Variants in NOPCHAP1 observed in about 807,000 individuals in gnomAD.
NOPCHAP1 encodes the protein DNA damage-sensitive RNA 1.
A neutral mutation model predicts 14.0 loss-of-function variants in NOPCHAP1; 13 were observed. The ratio of observed to expected loss-of-function variants is 0.93; its 90% CI spans 0.60 to 1.47. The LOEUF (loss-of-function observed/expected upper bound fraction) is 1.47, where lower values mean the gene tolerates loss of function less well. Among genes scored for constraint, NOPCHAP1 ranks in the 40% most tolerant of loss-of-function variants. The probability of loss-of-function intolerance (pLI) is 0.00; values close to 1 mark genes in which losing one functional copy is unlikely to be tolerated. For synonymous variants in NOPCHAP1, 78 were observed against 78.4 expected (o/e 1.00, Z 0.03); for missense variants, 230 against 226.9 (o/e 1.01, Z -0.09).
chr12:105,009,582 A>G lies in NOPCHAP1; in HGVS notation c.*14886A>G, dbSNP rs2136032874. ...TGCTTCCAGCTTTTGCCCGTTCAGTATGATATTGGCTGTGGGTTTGTCATA... is the reference window on the plus strand; with the variant it reads ...TGCTTCCAGCTTTTGCCCGTTCAGTGTGATATTGGCTGTGGGTTTGTCATA... On this transcript the variant is annotated 3_prime_UTR_variant, in exon 4 of 4. Transcript: ENST00000552951. The G allele has an allele frequency of 6.6e-6, 1 of 152,292 alleles. No individual in the cohort carries two copies. The highest frequency in any genetic ancestry group is 1.9e-4 in the East Asian group (1 of 5,196). 9.4% of individuals were successfully genotyped at this position (152,292 alleles called of 1,614,324 possible).
intron 2 of NOPCHAP1, among the ~76,000 whole-genome samples, chr12:104,990,801 T>A (rs12296144): frequency 0.12 from 17,966 of 152,204 alleles, 1,876 homozygotes; most frequent in East Asian, 0.33. Flanking sequence ...GATTCTTGGT[T>A]GCAAATGACT....
In NOPCHAP1 at chr12:104,997,979, A is replaced by T. The variant is rs143330768; in HGVS notation, c.*3283A>T. On this transcript the variant is annotated 3_prime_UTR_variant, in exon 4 of 4. Coordinates refer to ENST00000552951, the MANE Select transcript of NOPCHAP1 (RefSeq NM_152318.3). ...TGAGATTCTTTCCTCAGTTTGGTCAATTCTGCTGTTAATACTTGTGATTGC... is the reference window on the plus strand; with the variant it reads ...TGAGATTCTTTCCTCAGTTTGGTCATTTCTGCTGTTAATACTTGTGATTGC... The T allele has an allele frequency of 6.6e-6, 1 of 152,118 alleles. No individual in the cohort carries two copies. Among genetic ancestry groups the T allele is most frequent in the Non-Finnish European group, 1.5e-5 (1 of 68,026 alleles). 9.4% of individuals were successfully genotyped at this position (152,118 alleles called of 1,614,324 possible).
intron 3 of NOPCHAP1, among the ~76,000 whole-genome samples, chr12:104,993,595 C>T (rs544841061): frequency 7.9e-5 from 12 of 152,288 alleles, no homozygotes; most frequent in African/African-American, 2.6e-4. Context: ...CCCGAGTGAT[C>T]GCTTATTGGC....
rs1223897572 is a variant in NOPCHAP1 at position 105,002,295 on chromosome 12, G to C, written c.*7599G>C. 5.3e-5 allele frequency: 8 copies of C among 152,306 alleles called. No individual in the cohort carries two copies. The East Asian group carries it at 1.5e-3, about 29-fold the overall frequency. 9.4% of individuals were successfully genotyped at this position (152,306 alleles called of 1,614,324 possible). On this transcript the variant is annotated 3_prime_UTR_variant, in exon 4 of 4. Transcript: ENST00000552951. Reference sequence around the variant, plus strand: ...TTTACTTACTCTATTCTCTCAAAATGTTGGGCTAGGGCCACCAATTCAATC... The same window carrying C: ...TTTACTTACTCTATTCTCTCAAAATCTTGGGCTAGGGCCACCAATTCAATC...
chr12:104,987,740 A>G (rs1873272321), intron 1 of NOPCHAP1, among the ~76,000 whole-genome samples: 1 of 152,224 alleles, frequency 6.6e-6, no homozygotes, highest in Non-Finnish European at 1.5e-5. Context: ...CCAGGCAAGC[A>G]TGTTTTACTA....
rs561564284 is a variant in NOPCHAP1, at chr12:105,004,261, A to G, written c.*9565A>G. 1 of 152,320 alleles carries G rather than the reference A, an allele frequency of 6.6e-6. No individual in the cohort carries two copies. The highest frequency in any genetic ancestry group is 1.5e-5 in the Non-Finnish European group (1 of 68,038). The allele number at this position is 152,320 out of a possible 1,614,324, so 9.4% of individuals were successfully genotyped here. ...TTTCTTCAGCATGGATTTCAGAAAC[A>G]TCAATTTTATTTTAAAGTAAAAATA... On this transcript the variant is annotated 3_prime_UTR_variant, in exon 4 of 4. Coordinates refer to ENST00000552951, the MANE Select transcript of NOPCHAP1 (RefSeq NM_152318.3).
In NOPCHAP1 at chr12:105,009,711, A is replaced by G. The variant is rs950244237; in HGVS notation, c.*15015A>G. ...TTTATCAAAGGCCTTTTCTGTATCT[A>G]TTGAAATAATCATGTGCTTTTTGTC... On this transcript the variant is annotated 3_prime_UTR_variant, in exon 4 of 4. Coordinates refer to ENST00000552951, the MANE Select transcript of NOPCHAP1 (RefSeq NM_152318.3). 1 of 152,172 alleles carries G rather than the reference A, an allele frequency of 6.6e-6. No homozygotes were observed. Among genetic ancestry groups the G allele is most frequent in the Admixed American group, 6.5e-5 (1 of 15,284 alleles). The allele number at this position is 152,172 out of a possible 1,614,324, so 9.4% of individuals were successfully genotyped here. A position where few individuals can be genotyped will look rare whatever the true frequency, so the allele number is the denominator to read the frequency against.
At position 104,997,267 on chromosome 12, in the gene NOPCHAP1, T is replaced by C. The variant is rs906280084; in HGVS notation, c.*2571T>C. The stretch of plus-strand genomic sequence containing the variant: ...AGTTAGCACTCCCTTCCAAAACTCT[T>C]GTAAGGCAGATCTGATGTTAACAAA... On this transcript the variant is annotated 3_prime_UTR_variant, in exon 4 of 4. Coordinates refer to ENST00000552951, the MANE Select transcript of NOPCHAP1 (RefSeq NM_152318.3). 6.6e-6 allele frequency: 1 copy of C among 152,224 alleles called. No homozygotes were observed. Among genetic ancestry groups the C allele is most frequent in the Non-Finnish European group, 1.5e-5 (1 of 68,042 alleles). The allele number at this position is 152,224 out of a possible 1,614,324, so 9.4% of individuals were successfully genotyped here. A position where few individuals can be genotyped will look rare whatever the true frequency, so the allele number is the denominator to read the frequency against.
intron 1 of NOPCHAP1, among the ~76,000 whole-genome samples, chr12:104,987,262 TC>T (rs1452134281): frequency 6.6e-6 from 1 of 152,222 alleles, no homozygotes; most frequent in Non-Finnish European, 1.5e-5. Flanking sequence ...AGAAACTAAC[TC>T]ATCTAATCCT....
chr12:104,994,171 C>G (rs988826828), intron 3 of NOPCHAP1, among the ~76,000 whole-genome samples: 1 of 152,158 alleles, frequency 6.6e-6, no homozygotes, highest in East Asian at 1.9e-4. Flanking sequence ...AGGGTGAAAC[C>G]CCATCTCTAC....
At position 105,002,737 on chromosome 12, in the gene NOPCHAP1, G is replaced by A. The variant is rs544918228; in HGVS notation, c.*8041G>A. ...GTATCATATGAATAAATTGGTCAGA[G>A]AGTCCTGGCTTGTAAGCTCCTGTGC... On this transcript the variant is annotated 3_prime_UTR_variant, in exon 4 of 4. Coordinates refer to ENST00000552951, the MANE Select transcript of NOPCHAP1 (RefSeq NM_152318.3). 1 of 152,270 alleles carries A rather than the reference G, an allele frequency of 6.6e-6. No individual in the cohort carries two copies. Among genetic ancestry groups the A allele is most frequent in the South Asian group, 2.1e-4 (1 of 4,826 alleles). The allele number at this position is 152,270 out of a possible 1,614,324, so 9.4% of individuals were successfully genotyped here. A position where few individuals can be genotyped will look rare whatever the true frequency, so the allele number is the denominator to read the frequency against.
chr12:104,986,431 A>T lies in NOPCHAP1; in HGVS notation c.79A>T (p.Lys27Ter). 6.2e-7 allele frequency: 1 copy of T among 1,609,924 alleles called. No homozygotes were observed. Among genetic ancestry groups the T allele is most frequent in the Non-Finnish European group, 8.5e-7 (1 of 1,177,906 alleles). Residue 27 changes from lysine to a stop codon, truncating the protein, a stop_gained, in exon 1 of 4, where the codon AAG (lysine) becomes TAG (stop). Coordinates refer to ENST00000552951, the MANE Select transcript of NOPCHAP1 (RefSeq NM_152318.3). LOFTEE classifies it high-confidence loss of function. Reference protein sequence around the residue: ...TRDSSGVPVSKELLTAGSDGR... With the variant: ...TRDSSGVPVS ...GGATTCCTCAGGAGTCCCAGTGTCC[A>T]AGGAGCTGCTGACGGCGGGAAGCGA...
At position 105,014,455 on chromosome 12, in the gene NOPCHAP1, A is replaced by T. The variant is rs557422497; in HGVS notation, c.*19759A>T. 2 of 152,302 alleles carry T rather than the reference A, an allele frequency of 1.3e-5. No homozygotes were observed. Among genetic ancestry groups the T allele is most frequent in the African/African-American group, 4.8e-5 (2 of 41,574 alleles). 9.4% of individuals were successfully genotyped at this position (152,302 alleles called of 1,614,324 possible). A position where few individuals can be genotyped will look rare whatever the true frequency, so the allele number is the denominator to read the frequency against. ...AAAATATATTTATTGAAAATAATCC[A>T]TGTATAAGTGGACCCACACAGTTCA... On this transcript the variant is annotated 3_prime_UTR_variant, in exon 4 of 4. Transcript: ENST00000552951.
rs1442707169 is a variant in NOPCHAP1 at position 105,012,891 on chromosome 12, C to T, written c.*18195C>T. On this transcript the variant is annotated 3_prime_UTR_variant, in exon 4 of 4. Transcript: ENST00000552951. ...CAGAGGGTCACCCGCTAGATGCCAGCTGGAGATCTCCTGTGTGAGGTTTCT... is the reference window on the plus strand; with the variant it reads ...CAGAGGGTCACCCGCTAGATGCCAGTTGGAGATCTCCTGTGTGAGGTTTCT... 6.6e-6 allele frequency: 1 copy of T among 152,368 alleles called. No homozygotes were observed. The highest frequency in any genetic ancestry group is 1.5e-5 in the Non-Finnish European group (1 of 68,176). 9.4% of individuals were successfully genotyped at this position (152,368 alleles called of 1,614,324 possible).
rs1873927720 is a variant in NOPCHAP1 at position 105,015,473 on chromosome 12, T to C, written c.*20777T>C. The C allele has an allele frequency of 6.6e-6, 1 of 152,250 alleles. No individual in the cohort carries two copies. The highest frequency in any genetic ancestry group is 2.4e-5 in the African/African-American group (1 of 41,470). 9.4% of individuals were successfully genotyped at this position (152,250 alleles called of 1,614,324 possible). A position where few individuals can be genotyped will look rare whatever the true frequency, so the allele number is the denominator to read the frequency against. Reference sequence around the variant, plus strand: ...CAAGTACAGTTGTTATTGTCAGTTTTGCTTTCCATGGTTTCAGCTACCCAT... The same window carrying C: ...CAAGTACAGTTGTTATTGTCAGTTTCGCTTTCCATGGTTTCAGCTACCCAT... On this transcript the variant is annotated 3_prime_UTR_variant, in exon 4 of 4. Transcript: ENST00000552951.
intron 3 of NOPCHAP1, among the ~76,000 whole-genome samples, 167 bp downstream of exon 3, chr12:104,992,015 AT>A (rs1319399461): frequency 6.6e-6 from 1 of 152,190 alleles, no homozygotes; most frequent in African/African-American, 2.4e-5. Context: ...TTTTAGTCAT[AT>A]GATGTCACAG....
chr12:104,994,400 G>A (rs1222566617), intron 3 of NOPCHAP1, 78 bp from the exon 4 acceptor site: 4 of 1,285,076 alleles, frequency 3.1e-6, no homozygotes, highest in Non-Finnish European at 3.4e-6. Context: ...CTGAATGTTG[G>A]TTCTTCCCAA....
rs1315224460 is a variant in NOPCHAP1 at position 105,017,364 on chromosome 12, T to C, written c.*22668T>C. ...AAATATAAAAATGAGCCAGATGCGG[T>C]GGTGCATATCTGTAATCCCAGCTAC... On this transcript the variant is annotated 3_prime_UTR_variant, in exon 4 of 4. Transcript: ENST00000552951. The C allele has an allele frequency of 1.3e-5, 2 of 151,840 alleles. No homozygotes were observed. Among genetic ancestry groups the C allele is most frequent in the Non-Finnish European group, 2.9e-5 (2 of 67,978 alleles). The allele number at this position is 151,840 out of a possible 1,614,324, so 9.4% of individuals were successfully genotyped here.
At chr12:104,992,498 C>G (rs776732498) in intron 3 of NOPCHAP1, among the ~76,000 whole-genome samples, 11 of 152,190 alleles carry the variant, frequency 7.2e-5, no homozygotes, top group Non-Finnish European at 1.6e-4. Flanking sequence ...CCGTTGTTCA[C>G]ACAGTTTGGG....
Sources: gnomAD v4.1 joint callset for allele counts (sites outside exome capture counted in the v4.1 genomes callset) on GRCh38, gnomAD v4.1.1 for gene constraint, MANE v1.5 for transcripts, NCBI Gene and HGNC (gene_info 2026-07-23, HGNC 2026-07-21) for gene names.